Variants in PTPRK observed in about 807,000 individuals in gnomAD.
PTPRK encodes protein tyrosine phosphatase receptor type K.
PTPRK carries 75 observed loss-of-function variants against 178.0 expected under a neutral mutation model. That is an observed-to-expected ratio of 0.42 (90% CI 0.35 to 0.51). The LOEUF is 0.51. PTPRK is among the 20% of genes least tolerant of loss of function. The pLI, the probability that PTPRK is intolerant of heterozygous loss-of-function variation, is 0.02. For synonymous variants in PTPRK, 637 were observed against 620.6 expected, an observed-to-expected ratio of 1.03 and a Z score of -0.39; for missense variants, 1,441 against 1,797.8, an observed-to-expected ratio of 0.80 and a Z score of 3.59.
chr6:128,103,584 AC>A (rs1404151023), intron 7 of PTPRK, among the ~76,000 whole-genome samples: 1 of 151,928 alleles, frequency 6.6e-6, no homozygotes, highest in Non-Finnish European at 1.5e-5. Flanking sequence ...GGTGAGCCAC[AC>A]CCCTGTTGAA....
chr6:128,430,940 C>CTTT (rs577140756), intron 1 of PTPRK, among the ~76,000 whole-genome samples: 4 of 136,986 alleles, frequency 2.9e-5, no homozygotes, highest in Admixed American at 7.3e-5. Context: ...TAATTTTTTT[C>CTTT]TTTTTTTTTT....
chr6:128,116,324 T>C (rs957011798), intron 7 of PTPRK, among the ~76,000 whole-genome samples: 3 of 152,280 alleles, frequency 2.0e-5, no homozygotes, highest in African/African-American at 7.2e-5. Context: ...ATTTGAAATG[T>C]AGTACAGATA....
intron 1 of PTPRK, among the ~76,000 whole-genome samples, chr6:128,486,884 T>G (rs1853009911): frequency 6.6e-6 from 1 of 151,450 alleles, no homozygotes; most frequent in African/African-American, 2.4e-5. Flanking sequence ...TTTATGAATA[T>G]GAACACAGAA....
chr6:128,144,618 T>C (rs527542371), intron 7 of PTPRK, among the ~76,000 whole-genome samples: 6 of 152,298 alleles, frequency 3.9e-5, no homozygotes, highest in African/African-American at 1.4e-4. Context: ...GCACTGTTTT[T>C]TTCAATAGCA....
Position 128,292,145 on chromosome 6 carries a change from G to C in PTPRK, c.495+29894C>G, listed in dbSNP as rs191511818. On this transcript the variant is annotated intron_variant, in intron 3 of 29. Transcript: ENST00000368226. ...AGATTACTATATATCACATGGACTT[G>C]TAAAAAGCAATTGAGGATACCCAAA... Among the ~76,000 whole-genome samples the C allele has an allele frequency of 1.1e-4, 17 of 152,084 alleles. No homozygotes were observed. In the East Asian group the frequency reaches 2.1e-3, roughly 19 times the overall value.
intron 2 of PTPRK, among the ~76,000 whole-genome samples, chr6:128,385,040 C>T (rs1416519): frequency 0.93 from 138,958 of 148,638 alleles, 65,642 homozygotes; most frequent in East Asian, 1. Context: ...CATTGTGTTA[C>T]CTTCTATTTT....
intron 2 of PTPRK, among the ~76,000 whole-genome samples, chr6:128,332,031 GT>G (rs1156854896): frequency 6.6e-6 from 1 of 152,094 alleles, no homozygotes; most frequent in African/African-American, 2.4e-5. Context: ...GAAAGTTTCA[GT>G]AGAAAGTAGC....
rs777701770 is a variant in PTPRK at position 128,082,619 on chromosome 6, C to A, written c.1595G>T (p.Arg532Ile). 3 of 1,609,188 alleles carry A rather than the reference C, an allele frequency of 1.9e-6. No individual in the cohort carries two copies. The highest frequency in any genetic ancestry group is 2.6e-6 in the Non-Finnish European group (3 of 1,176,150). ...TQYEISYSSIRSFDPAVPVAG... is the reference protein window; with the variant it reads ...TQYEISYSSIISFDPAVPVAG... ...CACTGGAACTGCAGGATCAAATGAT[C>A]TTATACTGCTATAGCTGATCTGTTT... Residue 532 changes from arginine (R) to isoleucine (I), a missense_variant, in exon 10 of 30, where the codon AGA becomes ATA. Arg to Ile is a moderately conservative substitution (Grantham distance 97). Coordinates refer to ENST00000368226, the MANE Select transcript of PTPRK (RefSeq NM_002844.4).
chr6:128,287,681 T>C (rs1407129095), intron 3 of PTPRK, among the ~76,000 whole-genome samples: 1 of 152,150 alleles, frequency 6.6e-6, no homozygotes, highest in African/African-American at 2.4e-5. Context: ...GCTAAAAACC[T>C]CTGTGCATCC....
intron 7 of PTPRK, among the ~76,000 whole-genome samples, chr6:128,175,594 G>A (rs374694118): frequency 3.3e-5 from 5 of 151,486 alleles, no homozygotes; most frequent in African/African-American, 4.8e-5. Flanking sequence ...TACAATAAGC[G>A]GAATATAGAA....
At chr6:128,366,406 A>T (rs1319811165) in intron 2 of PTPRK, among the ~76,000 whole-genome samples, 1 of 152,140 alleles carries the variant, frequency 6.6e-6, no homozygotes, top group African/African-American at 2.4e-5. Flanking sequence ...AGTTTTAATA[A>T]TTTCCCTATT....
At position 128,307,895 on chromosome 6, in the gene PTPRK, C is replaced by T. The variant is rs181613878; in HGVS notation, c.495+14144G>A. Among the ~76,000 whole-genome samples, 45 of 152,128 alleles carry T rather than the reference C, an allele frequency of 3.0e-4. 1 individual carries two copies. In the East Asian group the frequency reaches 6.6e-3, roughly 22 times the overall value. ...GTCATTTTGGTGAACAGCTTAGAGTCAACAAGTTGAATACATAAACCACAT... is the reference window on the plus strand; with the variant it reads ...GTCATTTTGGTGAACAGCTTAGAGTTAACAAGTTGAATACATAAACCACAT... On this transcript the variant is annotated intron_variant, in intron 3 of 29. Transcript: ENST00000368226.
At position 128,234,101 on chromosome 6, in the gene PTPRK, C is replaced by T. The variant is rs374378701; in HGVS notation, c.693+5934G>A. On this transcript the variant is annotated intron_variant, in intron 5 of 29. Transcript: ENST00000368226. ...ACTTTCAGTCCAACCCCAGTTACAA[C>T]CCTTTCATATCCTCAAGTTATAAGG... Among the ~76,000 whole-genome samples, 25 of 152,342 alleles carry T rather than the reference C, an allele frequency of 1.6e-4. No individual in the cohort carries two copies. The East Asian group carries it at 4.6e-3, about 28-fold the overall frequency.
At chr6:128,325,756 T>C (rs1017384929) in intron 2 of PTPRK, among the ~76,000 whole-genome samples, 2 of 152,160 alleles carry the variant, frequency 1.3e-5, no homozygotes, top group African/African-American at 4.8e-5. Flanking sequence ...TGGAAGACAG[T>C]GTGGTGATTC....
At chr6:128,347,896 C>T (rs941798121) in intron 2 of PTPRK, among the ~76,000 whole-genome samples, 1 of 151,974 alleles carries the variant, frequency 6.6e-6, no homozygotes, top group Non-Finnish European at 1.5e-5. Flanking sequence ...AAAATAGCAA[C>T]ATTAATACGT....
intron 2 of PTPRK, among the ~76,000 whole-genome samples, chr6:128,396,315 A>G (rs550464705): frequency 1.3e-5 from 2 of 148,620 alleles, no homozygotes; most frequent in South Asian, 4.2e-4. Flanking sequence ...ATTATATTAT[A>G]TATTATAATA....
At chr6:128,477,141 C>A (rs905412740) in intron 1 of PTPRK, among the ~76,000 whole-genome samples, 1 of 151,984 alleles carries the variant, frequency 6.6e-6, no homozygotes, top group African/African-American at 2.4e-5. Context: ...AAATTTGTGG[C>A]AAATAAAGCA....
intron 6 of PTPRK, among the ~76,000 whole-genome samples, chr6:128,189,032 G>C (rs1803261103): frequency 6.6e-6 from 1 of 151,828 alleles, no homozygotes; most frequent in African/African-American, 2.4e-5. Context: ...AATCTATTTG[G>C]GGGGCATTTT....
At chr6:128,458,792 G>A (rs533130233) in intron 1 of PTPRK, among the ~76,000 whole-genome samples, 1 of 152,274 alleles carries the variant, frequency 6.6e-6, no homozygotes, top group South Asian at 2.1e-4. Flanking sequence ...GAGAATCACA[G>A]AGCATTTTTC....
Sources: gnomAD v4.1 joint callset for allele counts (sites outside exome capture counted in the v4.1 genomes callset) on GRCh38, gnomAD v4.1.1 for gene constraint, MANE v1.5 for transcripts, NCBI Gene and HGNC (gene_info 2026-07-23, HGNC 2026-07-21) for gene names.